Variants in PROSER2 observed in about 807,000 individuals in gnomAD.
PROSER2 encodes the protein proline and serine rich 2.
Under a neutral mutation model 14.6 loss-of-function variants are expected in PROSER2, and 18 were observed. The observed-to-expected ratio is 1.23, with a 90% CI of 0.85 to 1.83. The LOEUF (loss-of-function observed/expected upper bound fraction) is 1.83. PROSER2 is among the 40% of genes most tolerant of loss of function. PROSER2 has a pLI of 0.00. For synonymous variants in PROSER2, 367 were observed against 286.4 expected (o/e 1.28, Z -2.84); for missense variants, 823 against 629.8 (o/e 1.31, Z -3.28).
rs1362512885 is a variant in PROSER2 at position 11,823,974 on chromosome 10, C to G, written c.-82+504C>G. ...GCGGGGATGTGCAGGGTCTGCCCAG[C>G]CCAGCGCGGCGGGAGGGACTAAAAT... is the stretch of plus-strand genomic sequence containing the variant. On this transcript the variant is annotated intron_variant, in intron 1 of 3. Transcript: ENST00000277570. This position sits in a 1 kb window ranked among gnomAD's most constrained non-coding sequence, Gnocchi z 6.2. 6.6e-6 allele frequency among the ~76,000 whole-genome samples: 1 copy of G among 152,068 alleles called. No homozygotes were observed. The highest frequency in any genetic ancestry group is 6.5e-5 in the Admixed American group (1 of 15,278).
At position 11,870,249 on chromosome 10, in the gene PROSER2, C is replaced by T. The variant is rs1021056369; in HGVS notation, c.1151C>T (p.Pro384Leu). 1.3e-6 allele frequency: 2 copies of T among 1,488,042 alleles called. No homozygotes were observed. The highest frequency in any genetic ancestry group is 2.9e-5 in the African/African-American group (2 of 68,062). 92.2% of individuals were successfully genotyped at this position (1,488,042 alleles called of 1,614,324 possible). A position where few individuals can be genotyped will look rare whatever the true frequency, so the allele number is the denominator to read the frequency against. The stretch of plus-strand genomic sequence containing the variant: ...AGCACGCGGGCCCGTCAGAGCTTCC[C>T]CGGGCCCCGGCAGCCCAACGGCGCC... ...LPSTRARQSF[P>L]GPRQPNGAQD... Residue 384 changes from proline to leucine, a missense_variant, in exon 4 of 4, where the codon CCC becomes CTC. Pro to Leu is a moderately conservative substitution (Grantham distance 98). Coordinates refer to ENST00000277570, the MANE Select transcript of PROSER2 (RefSeq NM_153256.4).
At position 11,870,288 on chromosome 10, in the gene PROSER2, G is replaced by GCGCAGACTC; in HGVS notation, c.1192_1200dup (p.Ala398_Ser400dup). ...CCCAACGGCGCCCAGGACTGGCGCCGCGCAGACTCCCTGCCCCGGCCCCAG... is the reference window on the plus strand; with the variant it reads ...CCCAACGGCGCCCAGGACTGGCGCCGCGCAGACTCCGCAGACTCCCTGCCCCGGCCCCAG... On this transcript the variant is annotated inframe_insertion, in exon 4 of 4. Transcript: ENST00000277570. The GCGCAGACTC allele has an allele frequency of 2.0e-6, 3 of 1,494,808 alleles. No individual in the cohort carries two copies. The South Asian group carries it at 3.8e-5, about 19-fold the overall frequency. 92.6% of individuals were successfully genotyped at this position (1,494,808 alleles called of 1,614,324 possible).
intron 1 of PROSER2, among the ~76,000 whole-genome samples, chr10:11,833,493 C>A (rs1352261618): frequency 6.6e-6 from 1 of 151,838 alleles, no homozygotes. Flanking sequence ...GAGTTCGAGA[C>A]CAGCCTGGCC....
intron 2 of PROSER2, among the ~76,000 whole-genome samples, chr10:11,858,187 C>T (rs1834160769): frequency 6.6e-6 from 1 of 152,174 alleles, no homozygotes; most frequent in Non-Finnish European, 1.5e-5. Context: ...GATTCGGCCT[C>T]TCAGAGTGCT....
chr10:11,843,936 G>A (rs1833887499), intron 1 of PROSER2, among the ~76,000 whole-genome samples: 1 of 151,066 alleles, frequency 6.6e-6, no homozygotes, highest in Non-Finnish European at 1.5e-5. Flanking sequence ...CATTGTTGCT[G>A]TTTCAAGAAG....
intron 1 of PROSER2, among the ~76,000 whole-genome samples, chr10:11,824,186 A>C (rs1833580306): frequency 1.3e-5 from 2 of 152,208 alleles, no homozygotes; most frequent in South Asian, 4.1e-4. Context: ...TTTTAACTCT[A>C]CCAGAACCTA....
Position 11,837,915 on chromosome 10 carries a change from C to G in PROSER2, c.-81-14082C>G, listed in dbSNP as rs1373152082. 6.6e-6 allele frequency among the ~76,000 whole-genome samples: 1 copy of G among 151,590 alleles called. No homozygotes were observed. Among genetic ancestry groups the G allele is most frequent in the Non-Finnish European group, 1.5e-5 (1 of 67,942 alleles). ...GTTTTTCCTCTTCCTGTTCGTACAC[C>G]CTTGCGGTCTTCGGACTTCCCTCCT... On this transcript the variant is annotated intron_variant, in intron 1 of 3. Coordinates refer to ENST00000277570, the MANE Select transcript of PROSER2 (RefSeq NM_153256.4). The surrounding 1 kb of genome is among the most constrained non-coding windows in gnomAD (Gnocchi z 4.6).
chr10:11,839,615 A>G (rs1241319066), intron 1 of PROSER2, among the ~76,000 whole-genome samples: 1 of 152,126 alleles, frequency 6.6e-6, no homozygotes, highest in Non-Finnish European at 1.5e-5. Context: ...TCATAAGGTC[A>G]GGAGTTCAAG....
At chr10:11,831,048 C>G (rs2147441) in intron 1 of PROSER2, among the ~76,000 whole-genome samples, 97,842 of 152,020 alleles carry the variant, frequency 0.64, 31,860 homozygotes, top group Non-Finnish European at 0.69. Context: ...GTGTGAGCTT[C>G]TTCCACCCTG....
At position 11,865,654 on chromosome 10, in the gene PROSER2, T is replaced by C. The variant is rs1270662676; in HGVS notation, c.139-877T>C. ...TTGGATTCCTCGGGTTCCCCAGAGA[T>C]GACATGCACAGTCCTCCATCTGGAG... On this transcript the variant is annotated intron_variant, in intron 2 of 3. Transcript: ENST00000277570. The surrounding 1 kb of genome is among the most constrained non-coding windows in gnomAD (Gnocchi z 4.2). Among the ~76,000 whole-genome samples, 2 of 152,230 alleles carry C rather than the reference T, an allele frequency of 1.3e-5. No individual in the cohort carries two copies. Among genetic ancestry groups the C allele is most frequent in the African/African-American group, 2.4e-5 (1 of 41,460 alleles).
In PROSER2 at chr10:11,866,509, G is replaced by T. The variant is rs771457475; in HGVS notation, c.139-22G>T. ...AGCCAGTGTTTGTTTTCTCTCTTCT[G>T]TTCCCAATCCCTGTACTCTAGGATG... On this transcript the variant is annotated intron_variant, in intron 2 of 3. Coordinates refer to ENST00000277570, the MANE Select transcript of PROSER2 (RefSeq NM_153256.4). The surrounding 1 kb of genome is among the most constrained non-coding windows in gnomAD (Gnocchi z 6.0). 1 of 1,612,030 alleles carries T rather than the reference G, an allele frequency of 6.2e-7. No homozygotes were observed.
Position 11,870,408 on chromosome 10 carries a change from G to T in PROSER2, c.*2G>T. 2.0e-6 allele frequency: 3 copies of T among 1,485,240 alleles called. No individual in the cohort carries two copies. Among genetic ancestry groups the T allele is most frequent in the Non-Finnish European group, 2.7e-6 (3 of 1,120,872 alleles). 92.0% of individuals were successfully genotyped at this position (1,485,240 alleles called of 1,614,324 possible). A position where few individuals can be genotyped will look rare whatever the true frequency, so the allele number is the denominator to read the frequency against. Reference sequence around the variant, plus strand: ...GGGCTGCTCAGGGAGAGTTCGTGAGGGCCGCGCGGGCTCCAGTCCACCCCG... The same window carrying T: ...GGGCTGCTCAGGGAGAGTTCGTGAGTGCCGCGCGGGCTCCAGTCCACCCCG... On this transcript the variant is annotated 3_prime_UTR_variant, in exon 4 of 4. Coordinates refer to ENST00000277570, the MANE Select transcript of PROSER2 (RefSeq NM_153256.4).
rs967623010 is a variant in PROSER2 at position 11,869,823 on chromosome 10, C to T, written c.725C>T (p.Pro242Leu). 1.2e-5 allele frequency: 19 copies of T among 1,569,048 alleles called. No individual in the cohort carries two copies. The African/African-American group carries it at 1.4e-4, about 11-fold the overall frequency. The change falls in exon 4 of 4, where the codon CCC becomes CTC. Residue 242 changes from proline (P) to leucine (L), a missense_variant. Coordinates refer to ENST00000277570, the MANE Select transcript of PROSER2 (RefSeq NM_153256.4). This position sits in a 1 kb window ranked among gnomAD's most constrained non-coding sequence, Gnocchi z 4.4. Reference protein sequence around the residue: ...GPRSGDPGPGPSHPAQPKAPR... With the variant: ...GPRSGDPGPGLSHPAQPKAPR... ...CGCAGTGGAGACCCTGGCCCGGGGC[C>T]CAGCCACCCGGCGCAGCCCAAGGCA...
intron 2 of PROSER2, among the ~76,000 whole-genome samples, chr10:11,861,569 G>A (rs971262646): frequency 1.3e-5 from 2 of 152,272 alleles, no homozygotes; most frequent in Non-Finnish European, 1.5e-5. Flanking sequence ...ACGGATGGGC[G>A]TCGCTGCCTT....
Position 11,870,365 on chromosome 10 carries a change from GAGGCCCTGCGGA to G in PROSER2, c.1270_1281del (p.Ala424_Lys427del). On this transcript the variant is annotated inframe_deletion, in exon 4 of 4. Transcript: ENST00000277570. ...CGGCTCCTCGGAGGAGGCGCGCAGG[GAGGCCCTGCGGA>G]AGCTGGGGCTGCTCAGGGAGAGTTC... is the stretch of plus-strand genomic sequence containing the variant. 1 of 1,508,310 alleles carries G rather than the reference GAGGCCCTGCGGA, an allele frequency of 6.6e-7. No homozygotes were observed. The highest frequency in any genetic ancestry group is 8.8e-7 in the Non-Finnish European group (1 of 1,130,324). The allele number at this position is 1,508,310 out of a possible 1,614,324, so 93.4% of individuals were successfully genotyped here.
chr10:11,843,545 G>A (rs572529460), intron 1 of PROSER2, among the ~76,000 whole-genome samples: 12 of 152,088 alleles, frequency 7.9e-5, no homozygotes, highest in South Asian at 4.2e-4. Context: ...AATTATAGGC[G>A]CGTGGTAGCA....
rs1588502321 is a variant in PROSER2, at chr10:11,869,217, C to T, written c.392-273C>T. The T allele has an allele frequency of 3.7e-6, 2 of 533,774 alleles. No individual in the cohort carries two copies. The highest frequency in any genetic ancestry group is 6.8e-5 in the East Asian group (2 of 29,624). The allele number at this position is 533,774 out of a possible 1,614,324, so 33.1% of individuals were successfully genotyped here. On this transcript the variant is annotated intron_variant, in intron 3 of 3. Transcript: ENST00000277570. This position sits in a 1 kb window ranked among gnomAD's most constrained non-coding sequence, Gnocchi z 4.4. Reference sequence around the variant, plus strand: ...CCAGCCTCAGGGGCTGGAGCCTCAGCAGCCCACATGGACGGAATGTCTCCT... The same window carrying T: ...CCAGCCTCAGGGGCTGGAGCCTCAGTAGCCCACATGGACGGAATGTCTCCT...
At chr10:11,851,813 T>A in intron 1 of PROSER2, 184 bp from the exon 2 acceptor site, 1 of 317,334 alleles carries the variant, frequency 3.2e-6, no homozygotes, top group Non-Finnish European at 5.7e-6. Flanking sequence ...TCAGAATGGT[T>A]AACAATATAA....
chr10:11,846,562 T>C (rs576128156), intron 1 of PROSER2, among the ~76,000 whole-genome samples: 23 of 152,326 alleles, frequency 1.5e-4, no homozygotes, highest in Admixed American at 1.2e-3. Flanking sequence ...TAAAAAGTTG[T>C]ATTTGGTTGT....
Sources: gnomAD v4.1 joint callset for allele counts (sites outside exome capture counted in the v4.1 genomes callset) on GRCh38, gnomAD v4.1.1 for gene constraint, Gnocchi (gnomAD v3.1) non-coding constraint, MANE v1.5 for transcripts, NCBI Gene and HGNC (gene_info 2026-07-23, HGNC 2026-07-21) for gene names.